Variants in FLT1 observed in about 807,000 individuals in gnomAD.
FLT1 encodes the protein fms related receptor tyrosine kinase 1.
A neutral mutation model predicts 156.3 loss-of-function variants in FLT1; 49 were observed. The ratio of observed to expected loss-of-function variants is 0.31; its 90% CI spans 0.25 to 0.40. The LOEUF (loss-of-function observed/expected upper bound fraction) is 0.40, where lower values mean the gene tolerates loss of function less well. Ranked by LOEUF, FLT1 falls within the 10% of genes least tolerant of loss-of-function variation. The pLI is 1.00. For missense variants in FLT1, 1,322 were observed against 1,637.2 expected (o/e 0.81, Z 3.32); for synonymous variants, 594 against 583.8 (o/e 1.02, Z -0.25).
chr13:28,426,480 G>T (rs1877349058), intron 10 of FLT1, among the ~76,000 whole-genome samples: 1 of 152,182 alleles, frequency 6.6e-6, no homozygotes, highest in South Asian at 2.1e-4. Context: ...AGACACAAGG[G>T]TGCTCTCAAT....
At chr13:28,384,820 G>A in intron 14 of FLT1, 65 bp downstream of exon 14, 2 of 1,513,542 alleles carry the variant, frequency 1.3e-6, no homozygotes, top group East Asian at 4.5e-5. Context: ...TGACGGGACT[G>A]TTAAGGGAAA....
In FLT1 at chr13:28,409,624, T is replaced by C. The variant is rs1755739032; in HGVS notation, c.1437-3730A>G. Among the ~76,000 whole-genome samples, 3 of 152,130 alleles carry C rather than the reference T, an allele frequency of 2.0e-5. No individual in the cohort carries two copies. The South Asian group carries it at 6.2e-4, about 32-fold the overall frequency. The stretch of plus-strand genomic sequence containing the variant: ...TACTGAGATTACAGGTGTGAGCCAA[T>C]GCTCCTGGCCAAACCTACCATCTTG... On this transcript the variant is annotated intron_variant, in intron 10 of 29. Transcript: ENST00000282397.
chr13:28,459,763 C>A (rs1199082564), intron 3 of FLT1, among the ~76,000 whole-genome samples: 1 of 152,210 alleles, frequency 6.6e-6, no homozygotes, highest in African/African-American at 2.4e-5. Flanking sequence ...AATATTTTCT[C>A]TTTAAAGTTT....
intron 10 of FLT1, among the ~76,000 whole-genome samples, chr13:28,407,743 C>T (rs920084318): frequency 4.6e-5 from 7 of 152,104 alleles, no homozygotes; most frequent in African/African-American, 1.7e-4. Flanking sequence ...TTATAATAAT[C>T]ATGAGGTAAA....
At chr13:28,459,504 G>A (rs1247234582) in intron 3 of FLT1, among the ~76,000 whole-genome samples, 3 of 152,178 alleles carry the variant, frequency 2.0e-5, no homozygotes. Context: ...CTCTTTGGAT[G>A]GGCAGGTGGA....
chr13:28,405,652 T>A lies in FLT1; in HGVS notation c.1551+128A>T, dbSNP rs925565690. 4 of 700,762 alleles carry A rather than the reference T, an allele frequency of 5.7e-6. No individual in the cohort carries two copies. The African/African-American group carries it at 7.0e-5, about 12-fold the overall frequency. 43.4% of individuals were successfully genotyped at this position (700,762 alleles called of 1,614,324 possible). On this transcript the variant is annotated intron_variant, in intron 11 of 29. Transcript: ENST00000282397. ...TCTCCATGAAGACATAGCTCAGATA[T>A]TGTCTTTCTTCTCTCTGAATTTTTG...
chr13:28,402,033 A>T (rs1593749446), intron 11 of FLT1, among the ~76,000 whole-genome samples: 1 of 152,158 alleles, frequency 6.6e-6, no homozygotes, highest in African/African-American at 2.4e-5. Flanking sequence ...GAAAGTGCAC[A>T]TTTGCTACTA....
At chr13:28,430,287 A>C in intron 7 of FLT1, 120 bp from the exon 8 acceptor site, 1 of 741,538 alleles carries the variant, frequency 1.3e-6, no homozygotes, top group Non-Finnish European at 2.4e-6. Context: ...ATTATGATAG[A>C]GCCTATCAAT....
chr13:28,412,730 C>CTTTTT lies in FLT1; in HGVS notation c.1437-6841_1437-6837dup, dbSNP rs752528822. On this transcript the variant is annotated intron_variant, in intron 10 of 29. Transcript: ENST00000282397. ...GGCAACATCCCAGGCCCCTCACGTT[C>CTTTTT]TTTTTTTTTTTTTTTTTTTTTTTTG... 1.2e-3 allele frequency among the ~76,000 whole-genome samples: 96 copies of CTTTTT among 79,536 alleles called. 1 individual carries two copies. The highest frequency in any genetic ancestry group is 1.4e-3 in the Non-Finnish European group (59 of 43,156). The allele number at this position is 79,536 out of a possible 152,430, so 52.2% of individuals were successfully genotyped here.
intron 14 of FLT1, among the ~76,000 whole-genome samples, chr13:28,372,966 C>A (rs1044839673): frequency 6.6e-6 from 1 of 151,844 alleles, no homozygotes; most frequent in Non-Finnish European, 1.5e-5. Context: ...TGGCAAAGAG[C>A]CATTAAATGA....
chr13:28,301,596 C>G lies in FLT1; in HGVS notation c.*1571G>C. 4.3e-6 allele frequency: 1 copy of G among 233,362 alleles called. No homozygotes were observed. 14.5% of individuals were successfully genotyped at this position (233,362 alleles called of 1,614,324 possible). A position where few individuals can be genotyped will look rare whatever the true frequency, so the allele number is the denominator to read the frequency against. ...GAAGCATACTCTTCTCCCCAAGAAG[C>G]AGCAATCCACTGTTGCCTCTCCAGC... On this transcript the variant is annotated 3_prime_UTR_variant, in exon 30 of 30. Coordinates refer to ENST00000282397, the MANE Select transcript of FLT1 (RefSeq NM_002019.4).
intron 1 of FLT1, among the ~76,000 whole-genome samples, chr13:28,485,695 T>C (rs572877371): frequency 6.6e-6 from 1 of 152,296 alleles, no homozygotes; most frequent in Non-Finnish European, 1.5e-5. Context: ...TGAGCTGGGC[T>C]TGCTTTGACC....
chr13:28,323,651 C>CAAA (rs111841154), intron 20 of FLT1, among the ~76,000 whole-genome samples: 5 of 125,378 alleles, frequency 4.0e-5, no homozygotes, highest in East Asian at 2.3e-4. Context: ...AACTCCATCT[C>CAAA]AAAAAAAAAA....
intron 3 of FLT1, among the ~76,000 whole-genome samples, chr13:28,440,022 T>C (rs1878248558): frequency 6.6e-6 from 1 of 152,112 alleles, no homozygotes; most frequent in South Asian, 2.1e-4. Flanking sequence ...CCACAGCCCA[T>C]CTTGTGTGGT....
intron 1 of FLT1, among the ~76,000 whole-genome samples, chr13:28,480,213 C>G (rs1414596619): frequency 6.6e-6 from 1 of 152,208 alleles, no homozygotes; most frequent in Non-Finnish European, 1.5e-5. Context: ...TATATGACCC[C>G]TTTCTCTCAC....
At chr13:28,313,746 C>G (rs1261493084) in intron 25 of FLT1, among the ~76,000 whole-genome samples, 1 of 152,132 alleles carries the variant, frequency 6.6e-6, no homozygotes, top group Non-Finnish European at 1.5e-5. Flanking sequence ...CCTGAGAAAC[C>G]CTAGTTCATA....
chr13:28,345,286 T>C (rs1872522418), intron 16 of FLT1, among the ~76,000 whole-genome samples, 159 bp downstream of exon 16: 1 of 152,180 alleles, frequency 6.6e-6, no homozygotes, highest in African/African-American at 2.4e-5. Context: ...AGAGACATTT[T>C]GATGATTTAT....
intron 13 of FLT1, chr13:28,388,735 C>T: frequency 9.5e-7 from 1 of 1,057,716 alleles, no homozygotes; most frequent in Non-Finnish European, 1.1e-6. Context: ...TTTAAATTTA[C>T]ATTTAGAAGA....
intron 27 of FLT1, among the ~76,000 whole-genome samples, chr13:28,310,913 G>A (rs949542249): frequency 6.6e-6 from 1 of 152,152 alleles, no homozygotes; most frequent in African/African-American, 2.4e-5. Context: ...AGACACTTGG[G>A]TGGAATTATG....
Sources: allele counts gnomAD v4.1 joint callset (sites outside exome capture counted in the v4.1 genomes callset), GRCh38; gene constraint gnomAD v4.1.1; transcripts MANE v1.5; gene names NCBI Gene and HGNC (gene_info 2026-07-23, HGNC 2026-07-21).